The following CCSER1 variants were observed in gnomAD, a reference collection of about 807,000 sequenced individuals.
CCSER1 encodes coiled-coil serine rich protein 1.
A neutral mutation model predicts 82.0 loss-of-function variants in CCSER1; 41 were observed. The observed-to-expected ratio is 0.50, with a 90% CI of 0.39 to 0.65. The LOEUF is 0.65. Among genes scored for constraint, CCSER1 ranks in the 30% least tolerant of loss-of-function variants. The pLI, the probability that CCSER1 is intolerant of heterozygous loss-of-function variation, is 0.00. For synonymous variants in CCSER1, 414 were observed against 383.9 expected, an observed-to-expected ratio of 1.08 and a Z score of -0.92; for missense variants, 1,119 against 1,064.2, an observed-to-expected ratio of 1.05 and a Z score of -0.72.
chr4:91,552,488 G>T (rs7675234), intron 10 of CCSER1, among the ~76,000 whole-genome samples: 10,659 of 151,642 alleles, frequency 0.07, 661 homozygotes, highest in South Asian at 0.16. Context: ...GGGTTGATGT[G>T]ATAAAGAATG....
intron 9 of CCSER1, among the ~76,000 whole-genome samples, chr4:90,982,208 G>C (rs929431439): frequency 6.6e-6 from 1 of 151,712 alleles, no homozygotes; most frequent in Non-Finnish European, 1.5e-5. Flanking sequence ...CTCTTTTCCT[G>C]GTTTGCAGAT....
At chr4:90,760,723 CT>C (rs549382185) in intron 7 of CCSER1, among the ~76,000 whole-genome samples, 170 of 152,128 alleles carry the variant, frequency 1.1e-3, no homozygotes, top group African/African-American at 3.8e-3. Context: ...AATCTATGCT[CT>C]GTTTCTTGTT....
chr4:90,249,076 A>G (rs1484723624), intron 1 of CCSER1, among the ~76,000 whole-genome samples: 2 of 81,032 alleles, frequency 2.5e-5, no homozygotes, highest in Non-Finnish European at 4.1e-5. Flanking sequence ...ACAGGAAAAT[A>G]AAATCATTTG....
intron 8 of CCSER1, among the ~76,000 whole-genome samples, chr4:90,884,845 A>G (rs535063054): frequency 1.3e-5 from 2 of 152,252 alleles, no homozygotes; most frequent in African/African-American, 4.8e-5. Flanking sequence ...AGATTTCAGC[A>G]TTTTATAGAT....
In CCSER1 at chr4:90,586,061, T is replaced by A. The variant is rs76255026; in HGVS notation, c.1725-41964T>A. Among the ~76,000 whole-genome samples, 122 of 152,302 alleles carry A rather than the reference T, an allele frequency of 8.0e-4. 1 individual carries two copies. The East Asian group carries it at 0.021, about 27-fold the overall frequency. On this transcript the variant is annotated intron_variant, in intron 5 of 10. Transcript: ENST00000509176. ...GAACAGGGGTCCCCAATCCCTGATA[T>A]CAGTCTGTGGACTGTTAGGAACCGG... is the stretch of plus-strand genomic sequence containing the variant.
intron 10 of CCSER1, among the ~76,000 whole-genome samples, chr4:91,155,116 T>C (rs1402942555): frequency 6.6e-6 from 1 of 151,948 alleles, no homozygotes; most frequent in Non-Finnish European, 1.5e-5. Flanking sequence ...TTGAGATGCC[T>C]ATTAGGTATC....
chr4:90,694,313 A>G (rs578128847), intron 6 of CCSER1, among the ~76,000 whole-genome samples: 35 of 152,074 alleles, frequency 2.3e-4, no homozygotes, highest in Non-Finnish European at 4.4e-4. Flanking sequence ...GGAGCCTTCA[A>G]GTTTTAGTGA....
Position 90,822,500 on chromosome 4 carries a change from G to A in CCSER1, c.2094+6655G>A, listed in dbSNP as rs532689479. On this transcript the variant is annotated intron_variant, in intron 8 of 10. Coordinates refer to ENST00000509176, the MANE Select transcript of CCSER1 (RefSeq NM_001145065.2). ...TCCCAGCACGTTGGGAGGCCAAGGC[G>A]GGCGAATCACGAGGTCAGGAGTTTG... Among the ~76,000 whole-genome samples the A allele has an allele frequency of 5.3e-5, 8 of 152,200 alleles. No individual in the cohort carries two copies. The South Asian group carries it at 6.2e-4, about 12-fold the overall frequency.
chr4:91,285,266 A>C (rs1407673216), intron 10 of CCSER1, among the ~76,000 whole-genome samples: 1 of 147,504 alleles, frequency 6.8e-6, no homozygotes, highest in Non-Finnish European at 1.5e-5. Context: ...TTTTTTTTTA[A>C]GATGTGTCTC....
intron 3 of CCSER1, among the ~76,000 whole-genome samples, chr4:90,336,262 A>G (rs1340743716): frequency 6.6e-6 from 1 of 152,262 alleles, no homozygotes; most frequent in Non-Finnish European, 1.5e-5. Flanking sequence ...GACTAAAGAG[A>G]CAATAGTAGA....
intron 10 of CCSER1, among the ~76,000 whole-genome samples, chr4:91,304,777 A>G (rs1475684879): frequency 6.6e-6 from 1 of 152,084 alleles, no homozygotes; most frequent in Admixed American, 6.6e-5. Flanking sequence ...TGTATTTATT[A>G]TTTTATTGTT....
At chr4:90,883,665 G>A (rs886253744) in intron 8 of CCSER1, among the ~76,000 whole-genome samples, 2 of 152,106 alleles carry the variant, frequency 1.3e-5, no homozygotes, top group African/African-American at 4.8e-5. Context: ...CAGAGATGTA[G>A]CTTAGGAAAA....
intron 8 of CCSER1, among the ~76,000 whole-genome samples, chr4:90,838,394 C>T (rs1762079717): frequency 6.6e-6 from 1 of 151,356 alleles, no homozygotes; most frequent in Non-Finnish European, 1.5e-5. Context: ...CTGTTTTCTA[C>T]TGTTATGTAC....
chr4:90,657,682 TTCAATTA>T (rs1729962518), intron 6 of CCSER1, among the ~76,000 whole-genome samples: 1 of 152,242 alleles, frequency 6.6e-6, no homozygotes, highest in Admixed American at 6.5e-5. Flanking sequence ...AGATTTAAAT[TTCAATTA>T]TCATATGTTT....
chr4:90,689,038 G>A (rs948445058), intron 6 of CCSER1, among the ~76,000 whole-genome samples: 4 of 152,040 alleles, frequency 2.6e-5, no homozygotes, highest in Non-Finnish European at 4.4e-5. Flanking sequence ...ATGGACTCTG[G>A]CAACATCACA....
intron 7 of CCSER1, among the ~76,000 whole-genome samples, chr4:90,796,245 T>C (rs1426550755): frequency 1.3e-5 from 2 of 152,068 alleles, no homozygotes; most frequent in African/African-American, 2.4e-5. Context: ...CCAGGATTTA[T>C]TCATTTTTTC....
chr4:91,402,215 A>C (rs891758117), intron 10 of CCSER1, among the ~76,000 whole-genome samples: 9 of 152,120 alleles, frequency 5.9e-5, no homozygotes, highest in Admixed American at 5.9e-4. Flanking sequence ...GTGTCTGTTC[A>C]TATCCTTTGC....
Position 91,053,824 on chromosome 4 carries a change from A to G in CCSER1, c.2173-32126A>G, listed in dbSNP as rs184762812. Among the ~76,000 whole-genome samples the G allele has an allele frequency of 1.7e-3, 255 of 152,278 alleles. 1 individual carries two copies. Among genetic ancestry groups the G allele is most frequent in the Non-Finnish European group, 2.1e-3 (145 of 68,020 alleles). ...ATCTTATAAATTTTTATGCATTTAC[A>G]CATCTTGTACTGTCTTGTTCTTTTT... is the stretch of plus-strand genomic sequence containing the variant. On this transcript the variant is annotated intron_variant, in intron 9 of 10. Transcript: ENST00000509176.
chr4:90,528,959 A>G (rs374426583), intron 5 of CCSER1, among the ~76,000 whole-genome samples: 1 of 152,092 alleles, frequency 6.6e-6, no homozygotes, highest in East Asian at 1.9e-4. Flanking sequence ...TGTTGTCCAT[A>G]TAATGATTTG....
Sources: gnomAD v4.1 joint callset for allele counts (sites outside exome capture counted in the v4.1 genomes callset) on GRCh38, gnomAD v4.1.1 for gene constraint, MANE v1.5 for transcripts, NCBI Gene and HGNC (gene_info 2026-07-23, HGNC 2026-07-21) for gene names.